SLX4IP: variants seen among roughly 807,000 people sequenced by gnomAD.
SLX4IP encodes the protein SLX4 interacting protein.
In SLX4IP, 34 loss-of-function variants were observed where a neutral mutation model predicts 32.9. The ratio of observed to expected loss-of-function variants is 1.03; its 90% CI spans 0.79 to 1.38. The LOEUF (loss-of-function observed/expected upper bound fraction) is 1.38. Ranked by LOEUF, SLX4IP falls within the 40% of genes most tolerant of loss-of-function variation. The pLI is 0.00. For synonymous variants in SLX4IP, 172 were observed against 171.7 expected (o/e 1.00, Z -0.01); for missense variants, 444 against 479.0 (o/e 0.93, Z 0.68).
rs33995611 is a variant in SLX4IP at position 10,592,622 on chromosome 20, C to CTT, written c.239-6024_239-6023dup. Among the ~76,000 whole-genome samples the CTT allele has an allele frequency of 5.6e-3, 308 of 55,180 alleles. 44 individuals are homozygous for CTT. The highest frequency in any genetic ancestry group is 0.017 in the Middle Eastern group (1 of 58). The allele number at this position is 55,180 out of a possible 152,430, so 36.2% of individuals were successfully genotyped here. On this transcript the variant is annotated intron_variant, in intron 4 of 7. Coordinates refer to ENST00000334534, the MANE Select transcript of SLX4IP (RefSeq NM_001009608.3). ...GCTTGAAAGCACACGTATTCTTCAT[C>CTT]TTTTTTTTTTTTTTTTTTTTTTTTT...
chr20:10,502,332 G>A (rs2065726255), intron 2 of SLX4IP, among the ~76,000 whole-genome samples: 1 of 152,180 alleles, frequency 6.6e-6, no homozygotes. Flanking sequence ...CTACATAGCA[G>A]CAGAGGATCC....
At chr20:10,550,980 G>C (rs1476836543) in intron 2 of SLX4IP, among the ~76,000 whole-genome samples, 2 of 152,176 alleles carry the variant, frequency 1.3e-5, no homozygotes, top group African/African-American at 4.8e-5. Context: ...AAACTCAGCA[G>C]GTGTTTCAGA....
intron 4 of SLX4IP, among the ~76,000 whole-genome samples, chr20:10,584,422 AT>A (rs1408072998): frequency 6.6e-6 from 1 of 152,192 alleles, no homozygotes; most frequent in African/African-American, 2.4e-5. Context: ...CAGAACTTAC[AT>A]TTTGTTTTTG....
chr20:10,530,590 C>T (rs1325263964), intron 2 of SLX4IP, among the ~76,000 whole-genome samples: 1 of 152,146 alleles, frequency 6.6e-6, no homozygotes, highest in Non-Finnish European at 1.5e-5. Flanking sequence ...AAATAGATTG[C>T]AAAATCAGTT....
intron 1 of SLX4IP, among the ~76,000 whole-genome samples, chr20:10,452,824 C>T (rs1240327632): frequency 2.0e-5 from 3 of 151,064 alleles, no homozygotes; most frequent in Non-Finnish European, 4.4e-5. Flanking sequence ...GCACTTTAGT[C>T]TGGTTGACAA....
intron 2 of SLX4IP, among the ~76,000 whole-genome samples, chr20:10,470,150 C>T (rs1388461397): frequency 1.3e-5 from 2 of 152,132 alleles, no homozygotes; most frequent in South Asian, 2.1e-4. Flanking sequence ...GGGGGCCAGT[C>T]GAGTCTGGAA....
chr20:10,611,538 G>A (rs954257159), intron 6 of SLX4IP, among the ~76,000 whole-genome samples: 15 of 152,314 alleles, frequency 9.8e-5, no homozygotes, highest in Non-Finnish European at 1.5e-4. Flanking sequence ...TCCAGCAGGG[G>A]GAGGTGAGGC....
intron 6 of SLX4IP, among the ~76,000 whole-genome samples, chr20:10,608,881 T>C (rs1046353777): frequency 3.3e-5 from 5 of 152,132 alleles, no homozygotes; most frequent in African/African-American, 4.8e-5. Context: ...TATTAATATT[T>C]TCCCAAGAAA....
chr20:10,617,048 A>C (rs2067043642), intron 6 of SLX4IP, among the ~76,000 whole-genome samples: 2 of 152,234 alleles, frequency 1.3e-5, no homozygotes, highest in Admixed American at 6.5e-5. Flanking sequence ...GGCTTGCCCA[A>C]AATATACATG....
intron 2 of SLX4IP, among the ~76,000 whole-genome samples, chr20:10,489,202 A>G (rs1300057925): frequency 6.6e-6 from 1 of 152,138 alleles, no homozygotes; most frequent in South Asian, 2.1e-4. Context: ...GGAGTTCTGT[A>G]TGGGGTCATT....
chr20:10,540,096 T>TTTCCTTCCTTCC (rs61054747), intron 2 of SLX4IP, among the ~76,000 whole-genome samples: 114 of 111,794 alleles, frequency 1.0e-3, no homozygotes, highest in East Asian at 8.2e-3. Flanking sequence ...CCTTCCTTCC[T>TTTCCTTCCTTCC]TTCCTTCCTT....
chr20:10,623,602 T>G lies in SLX4IP; in HGVS notation c.*223T>G, dbSNP rs1158977611. The G allele has an allele frequency of 1.6e-6, 1 of 616,564 alleles. No homozygotes were observed. The highest frequency in any genetic ancestry group is 2.7e-6 in the Non-Finnish European group (1 of 370,048). 38.2% of individuals were successfully genotyped at this position (616,564 alleles called of 1,614,324 possible). On this transcript the variant is annotated 3_prime_UTR_variant, in exon 8 of 8. Transcript: ENST00000334534. ...GCGTTGCTTCTTTATCATTGTATTT[T>G]ATGACTGTCTTCAGAGAATTAGTAA...
intron 6 of SLX4IP, chr20:10,614,159 C>A: frequency 1.0e-6 from 1 of 960,556 alleles, no homozygotes; most frequent in Non-Finnish European, 1.6e-6. Context: ...GTTGCACGCC[C>A]AGCACCCAGT....
intron 4 of SLX4IP, among the ~76,000 whole-genome samples, chr20:10,594,972 A>G (rs1252284520): frequency 6.6e-6 from 1 of 152,142 alleles, no homozygotes; most frequent in African/African-American, 2.4e-5. Flanking sequence ...TAGTGTGGTA[A>G]CAAGTAATCA....
chr20:10,534,589 C>T (rs1392708116), intron 2 of SLX4IP, among the ~76,000 whole-genome samples: 3 of 152,146 alleles, frequency 2.0e-5, no homozygotes, highest in African/African-American at 4.8e-5. Context: ...ATGGGGAGCT[C>T]CTTCCAGCAG....
chr20:10,623,167 T>C lies in SLX4IP; in HGVS notation c.1015T>C (p.Leu339=), dbSNP rs763657739. The C allele has an allele frequency of 2.5e-6, 4 of 1,613,896 alleles. No individual in the cohort carries two copies. The Admixed American group carries it at 6.7e-5, about 27-fold the overall frequency. The change falls in exon 8 of 8, where the codon TTG becomes CTG. Residue 339 remains leucine, a synonymous_variant. Transcript: ENST00000334534. ...TGTCAGGGTTTTGCCAGCTTCAGAG[T>C]TGTCAGATCCAGGGTTACTTTTGAA... The part of the protein sequence containing the change: ...KAVRVLPASE[L]SDPGLLLKQD...
intron 4 of SLX4IP, among the ~76,000 whole-genome samples, chr20:10,588,612 C>G (rs559992179): frequency 6.6e-6 from 1 of 152,340 alleles, no homozygotes; most frequent in South Asian, 2.1e-4. Context: ...TGTGTCAGCA[C>G]TGATGAACCT....
intron 4 of SLX4IP, among the ~76,000 whole-genome samples, chr20:10,588,993 G>A (rs1426245117): frequency 1.3e-5 from 2 of 151,802 alleles, no homozygotes; most frequent in Non-Finnish European, 1.5e-5. Context: ...TAGCCTGATT[G>A]TGGTAATCAT....
At chr20:10,574,975 A>G (rs1404603088) in intron 4 of SLX4IP, among the ~76,000 whole-genome samples, 1 of 151,876 alleles carries the variant, frequency 6.6e-6, no homozygotes, top group Non-Finnish European at 1.5e-5. Flanking sequence ...GCCTGACCGC[A>G]AGACTTTTTT....
Sources: allele counts gnomAD v4.1 joint callset (sites outside exome capture counted in the v4.1 genomes callset), GRCh38; gene constraint gnomAD v4.1.1; transcripts MANE v1.5; gene names NCBI Gene and HGNC (gene_info 2026-07-23, HGNC 2026-07-21).